Variants in TNR observed in about 807,000 individuals in gnomAD.
TNR encodes the protein tenascin R.
Under a neutral mutation model 150.4 loss-of-function variants are expected in TNR, and 45 were observed. That is an observed-to-expected ratio of 0.30 (90% CI 0.24 to 0.38). The LOEUF (loss-of-function observed/expected upper bound fraction) is 0.38. Among genes scored for constraint, TNR ranks in the 10% least tolerant of loss-of-function variants. The pLI is 1.00. For synonymous variants in TNR, 687 were observed against 678.4 expected (o/e 1.01, Z -0.20); for missense variants, 1,544 against 1,759.1 (o/e 0.88, Z 2.19).
chr1:175,369,790 T>C (rs1652012772), intron 9 of TNR, among the ~76,000 whole-genome samples: 1 of 152,194 alleles, frequency 6.6e-6, no homozygotes, highest in Non-Finnish European at 1.5e-5. Context: ...CGGAAATACT[T>C]TGAGCAACAT....
rs1016676907 is a variant in TNR, at chr1:175,318,879, C to G, written c.*4478G>C. 2 of 152,238 alleles carry G rather than the reference C, an allele frequency of 1.3e-5. No individual in the cohort carries two copies. Among genetic ancestry groups the G allele is most frequent in the African/African-American group, 4.8e-5 (2 of 41,440 alleles). The allele number at this position is 152,238 out of a possible 1,614,324, so 9.4% of individuals were successfully genotyped here. A position where few individuals can be genotyped will look rare whatever the true frequency, so the allele number is the denominator to read the frequency against. On this transcript the variant is annotated 3_prime_UTR_variant, in exon 23 of 23. Transcript: ENST00000367674. Reference sequence around the variant, plus strand: ...ATTCCTCTGAGGTCCTGAGACTCCTCCTGCAGCCGTGGCAAGTTTGAAGCA... The same window carrying G: ...ATTCCTCTGAGGTCCTGAGACTCCTGCTGCAGCCGTGGCAAGTTTGAAGCA...
intron 1 of TNR, among the ~76,000 whole-genome samples, chr1:175,592,475 C>T (rs202164192): frequency 1.3e-5 from 2 of 152,238 alleles, no homozygotes; most frequent in Non-Finnish European, 1.5e-5. Flanking sequence ...CCAGCCCCTG[C>T]GGGAGCCTGA....
At chr1:175,422,297 G>A (rs552913229) in intron 2 of TNR, among the ~76,000 whole-genome samples, 1 of 151,796 alleles carries the variant, frequency 6.6e-6, no homozygotes, top group South Asian at 2.1e-4. Context: ...GTCCCTAGAG[G>A]GCAGAGTCTA....
chr1:175,347,087 A>ATATAACAG (rs1434096916), intron 18 of TNR, among the ~76,000 whole-genome samples: 1 of 152,192 alleles, frequency 6.6e-6, no homozygotes, highest in Non-Finnish European at 1.5e-5. Context: ...AGCTAACCAT[A>ATATAACAG]TATAACAGTG....
At chr1:175,535,369 G>T (rs1236872085) in intron 1 of TNR, among the ~76,000 whole-genome samples, 1 of 152,154 alleles carries the variant, frequency 6.6e-6, no homozygotes, top group Non-Finnish European at 1.5e-5. Flanking sequence ...GTTAACAGTG[G>T]CTCTCTCTGG....
At chr1:175,719,646 G>A (rs914073081) in intron 1 of TNR, among the ~76,000 whole-genome samples, 1 of 152,216 alleles carries the variant, frequency 6.6e-6, no homozygotes, top group Non-Finnish European at 1.5e-5. Flanking sequence ...GGCTGCCCAA[G>A]TAGAATGGTC....
At chr1:175,712,990 G>C (rs1056008092) in intron 1 of TNR, among the ~76,000 whole-genome samples, 2 of 152,168 alleles carry the variant, frequency 1.3e-5, no homozygotes, top group African/African-American at 4.8e-5. Flanking sequence ...CTGATTGAAG[G>C]GTGGTACCCT....
chr1:175,699,671 A>G (rs1666628350), intron 1 of TNR, among the ~76,000 whole-genome samples: 1 of 152,160 alleles, frequency 6.6e-6, no homozygotes, highest in African/African-American at 2.4e-5. Flanking sequence ...GATACAGAGG[A>G]GTAAGCTGGG....
intron 1 of TNR, among the ~76,000 whole-genome samples, chr1:175,710,192 G>C (rs964082013): frequency 6.6e-6 from 1 of 152,148 alleles, no homozygotes; most frequent in African/African-American, 2.4e-5. Context: ...GTCTAGGAAA[G>C]AGAGGATGGC....
chr1:175,478,649 A>G (rs1216813523), intron 2 of TNR, among the ~76,000 whole-genome samples: 2 of 152,008 alleles, frequency 1.3e-5, no homozygotes, highest in Non-Finnish European at 2.9e-5. Flanking sequence ...TCCTTCAGAC[A>G]GCCTCCAGGG....
At chr1:175,424,442 C>T (rs1039807997) in intron 2 of TNR, among the ~76,000 whole-genome samples, 24 of 152,100 alleles carry the variant, frequency 1.6e-4, no homozygotes, top group African/African-American at 2.2e-4. Flanking sequence ...TAAGTGTTGA[C>T]GAGGTGACCA....
At chr1:175,488,231 G>T (rs899456730) in intron 2 of TNR, among the ~76,000 whole-genome samples, 3 of 152,224 alleles carry the variant, frequency 2.0e-5, no homozygotes, top group African/African-American at 7.2e-5. Flanking sequence ...TGGGAATGGT[G>T]CTGGGAGATG....
chr1:175,461,532 A>G (rs1483654112), intron 2 of TNR, among the ~76,000 whole-genome samples: 2 of 152,190 alleles, frequency 1.3e-5, no homozygotes, highest in African/African-American at 4.8e-5. Flanking sequence ...ATAACCTCCA[A>G]GGAACTTTCC....
At chr1:175,513,263 A>T (rs1032730099) in intron 2 of TNR, among the ~76,000 whole-genome samples, 1 of 152,078 alleles carries the variant, frequency 6.6e-6, no homozygotes, top group Non-Finnish European at 1.5e-5. Context: ...TCATCTCCTG[A>T]TGTTTCCTCC....
chr1:175,732,567 C>T (rs916391834), intron 1 of TNR, among the ~76,000 whole-genome samples: 5 of 152,230 alleles, frequency 3.3e-5, no homozygotes, highest in African/African-American at 4.8e-5. Context: ...TCTGGTCTTA[C>T]TTTGAACCTG....
chr1:175,346,893 A>T (rs1218836336), intron 18 of TNR, among the ~76,000 whole-genome samples: 1 of 151,654 alleles, frequency 6.6e-6, no homozygotes, highest in East Asian at 1.9e-4. Context: ...CAAAAGAAAA[A>T]AAAAAAAAAG....
chr1:175,375,407 T>C (rs1452557054), intron 9 of TNR, among the ~76,000 whole-genome samples: 2 of 152,184 alleles, frequency 1.3e-5, no homozygotes, highest in East Asian at 3.9e-4. Context: ...TTGCAGACAT[T>C]GAGTCTGTTG....
chr1:175,341,256 G>A (rs1650511627), intron 18 of TNR, among the ~76,000 whole-genome samples: 1 of 152,162 alleles, frequency 6.6e-6, no homozygotes, highest in East Asian at 1.9e-4. Context: ...TTTTCCCAAA[G>A]CAAAATCTTA....
At chr1:175,597,843 G>C (rs564961143) in intron 1 of TNR, among the ~76,000 whole-genome samples, 1 of 152,246 alleles carries the variant, frequency 6.6e-6, no homozygotes, top group South Asian at 2.1e-4. Context: ...GGAAACTACT[G>C]ACTTTTCTGC....
Sources: allele counts gnomAD v4.1 joint callset (sites outside exome capture counted in the v4.1 genomes callset), GRCh38; gene constraint gnomAD v4.1.1; transcripts MANE v1.5; gene names NCBI Gene and HGNC (gene_info 2026-07-23, HGNC 2026-07-21).